Variants in C15orf40 observed in about 807,000 individuals in gnomAD.
C15orf40 encodes the protein UPF0235 protein C15orf40.
A neutral mutation model predicts 13.9 loss-of-function variants in C15orf40; 9 were observed. That is an observed-to-expected ratio of 0.65 (90% CI 0.39 to 1.13). The LOEUF (loss-of-function observed/expected upper bound fraction) is 1.13. Ranked by LOEUF, C15orf40 falls within the 50% of genes most tolerant of loss-of-function variation. The probability of loss-of-function intolerance (pLI) is 0.01; values close to 1 mark genes in which losing one functional copy is unlikely to be tolerated. For synonymous variants in C15orf40, 95 were observed against 69.2 expected, an observed-to-expected ratio of 1.37 and a Z score of -1.85; for missense variants, 225 against 188.5, an observed-to-expected ratio of 1.19 and a Z score of -1.13.
Position 83,000,341 on chromosome 15 carries a change from TAAGG to T in C15orf40, c.*5252_*5255del, listed in dbSNP as rs1347631881. 4 of 152,224 alleles carry T rather than the reference TAAGG, an allele frequency of 2.6e-5. No homozygotes were observed. The highest frequency in any genetic ancestry group is 7.2e-5 in the African/African-American group (3 of 41,422). 9.4% of individuals were successfully genotyped at this position (152,224 alleles called of 1,614,324 possible). A position where few individuals can be genotyped will look rare whatever the true frequency, so the allele number is the denominator to read the frequency against. ...CGTGGATTTCTGAAACCTGCAGAGT[TAAGG>T]AAGGAACTCAAGACCATGCTGACTC... On this transcript the variant is annotated 3_prime_UTR_variant, in exon 4 of 4. Transcript: ENST00000304177.
Position 83,011,585 on chromosome 15 carries a change from A to G in C15orf40, c.23T>C (p.Leu8Pro). 2 of 1,594,328 alleles carry G rather than the reference A, an allele frequency of 1.3e-6. No homozygotes were observed. MLRLRSG[L>P]RHLRATPNTR... ...ATTGGGTGTTGCCCGAAGGTGCCTC[A>G]GCCCGCTGCGGAGCCGCAGCATCCC... The change falls in exon 1 of 4, where the codon CTG becomes CCG. Residue 8 changes from leucine to proline, a missense_variant. Coordinates refer to ENST00000304177, the MANE Select transcript of C15orf40 (RefSeq NM_144597.3).
rs1303059524 is a variant in C15orf40, at chr15:83,001,634, T to C, written c.*3963A>G. 1 of 152,200 alleles carries C rather than the reference T, an allele frequency of 6.6e-6. No individual in the cohort carries two copies. Among genetic ancestry groups the C allele is most frequent in the Non-Finnish European group, 1.5e-5 (1 of 68,024 alleles). 9.4% of individuals were successfully genotyped at this position (152,200 alleles called of 1,614,324 possible). On this transcript the variant is annotated 3_prime_UTR_variant, in exon 4 of 4. Coordinates refer to ENST00000304177, the MANE Select transcript of C15orf40 (RefSeq NM_144597.3). ...GCTGAATATTTTGTGTCTTGGGCAC[T>C]AGGTCACTGGGTCTACTTCAGTATT...
chr15:83,011,174 A>G, intron 1 of C15orf40: 1 of 278,984 alleles, frequency 3.6e-6, no homozygotes, highest in African/African-American at 2.2e-5. Flanking sequence ...AACGCAGGTC[A>G]TGCCGCTGCG....
chr15:83,000,122 C>A lies in C15orf40; in HGVS notation c.*5475G>T, dbSNP rs1279855159. The A allele has an allele frequency of 6.6e-6, 1 of 152,272 alleles. No homozygotes were observed. Among genetic ancestry groups the A allele is most frequent in the Non-Finnish European group, 1.5e-5 (1 of 68,116 alleles). 9.4% of individuals were successfully genotyped at this position (152,272 alleles called of 1,614,324 possible). On this transcript the variant is annotated 3_prime_UTR_variant, in exon 4 of 4. Coordinates refer to ENST00000304177, the MANE Select transcript of C15orf40 (RefSeq NM_144597.3). ...ATTTCCCTGGCTCTGATTCCAGGCT[C>A]TCCAAGCAGCCTTCAAATGATGATT... is the stretch of plus-strand genomic sequence containing the variant.
At chr15:83,011,190 A>G (rs577626636) in intron 1 of C15orf40, 1 of 308,120 alleles carries the variant, frequency 3.2e-6, no homozygotes, top group South Asian at 9.9e-5. Context: ...CTGCGGGAAC[A>G]TGAATTGCTG....
At chr15:82,991,902 T>C (rs1188047484), downstream of C15orf40, 1 of 1,288,966 alleles carries the variant, frequency 7.8e-7, no homozygotes, top group Non-Finnish European at 1.0e-6. Context: ...GAATCTTCTC[T>C]GAAAGCAGAA....
Position 82,996,156 on chromosome 15 carries a change from G to GA in C15orf40, c.*9440dup, listed in dbSNP as rs2031062291. 1 of 152,222 alleles carries GA rather than the reference G, an allele frequency of 6.6e-6. No individual in the cohort carries two copies. Among genetic ancestry groups the GA allele is most frequent in the African/African-American group, 2.4e-5 (1 of 41,446 alleles). The allele number at this position is 152,222 out of a possible 1,614,324, so 9.4% of individuals were successfully genotyped here. On this transcript the variant is annotated 3_prime_UTR_variant, in exon 4 of 4. Coordinates refer to ENST00000304177, the MANE Select transcript of C15orf40 (RefSeq NM_144597.3). ...TCTGGGTTTCAGTGACTCCTCCTGA[G>GA]ACAGCTTCAGGGGATGATGTGATGA... is the stretch of plus-strand genomic sequence containing the variant.
At position 82,997,777 on chromosome 15, in the gene C15orf40, G is replaced by A. The variant is rs1331492315; in HGVS notation, c.*7820C>T. 3 of 137,504 alleles carry A rather than the reference G, an allele frequency of 2.2e-5. No individual in the cohort carries two copies. Among genetic ancestry groups the A allele is most frequent in the Non-Finnish European group, 4.5e-5 (3 of 66,020 alleles). The allele number at this position is 137,504 out of a possible 1,614,324, so 8.5% of individuals were successfully genotyped here. A position where few individuals can be genotyped will look rare whatever the true frequency, so the allele number is the denominator to read the frequency against. ...GGGCTCCTCACTTCCCAGTAGGGGC[G>A]GCCGGGCAGAGGCGCCCCTCACCTC... On this transcript the variant is annotated 3_prime_UTR_variant, in exon 4 of 4. Coordinates refer to ENST00000304177, the MANE Select transcript of C15orf40 (RefSeq NM_144597.3).
At chr15:83,010,582 C>G (rs1486149018) in intron 1 of C15orf40, 2 of 488,800 alleles carry the variant, frequency 4.1e-6, no homozygotes, top group Admixed American at 3.7e-5. Context: ...TTTTTTCCCC[C>G]CTTGCAAGAA....
chr15:82,990,678 T>C, downstream of C15orf40: 3 of 1,522,076 alleles, frequency 2.0e-6, no homozygotes, highest in Non-Finnish European at 2.7e-6. Flanking sequence ...GAAGGAATCA[T>C]TGTCAGTTTG....
chr15:83,006,115 C>A (rs1732374601), intron 3 of C15orf40, among the ~76,000 whole-genome samples: 1 of 151,680 alleles, frequency 6.6e-6, no homozygotes, highest in Non-Finnish European at 1.5e-5. Context: ...CCTGTAATCC[C>A]AGCTACTCAG....
In C15orf40 at chr15:83,004,236, A is replaced by C; in HGVS notation, c.*1361T>G. 4.8e-6 allele frequency: 4 copies of C among 838,748 alleles called. No individual in the cohort carries two copies. Among genetic ancestry groups the C allele is most frequent in the Non-Finnish European group, 5.7e-6 (4 of 696,488 alleles). The allele number at this position is 838,748 out of a possible 1,614,324, so 52.0% of individuals were successfully genotyped here. On this transcript the variant is annotated 3_prime_UTR_variant, in exon 4 of 4. Coordinates refer to ENST00000304177, the MANE Select transcript of C15orf40 (RefSeq NM_144597.3). ...AGTGTTCCTCCTGCCTCAACCTTCC[A>C]AAGCGCTGGGATTACAGGCGTGAGC...
Position 83,004,907 on chromosome 15 carries a change from T to G in C15orf40, c.*690A>C. ...ATCTAGAAAAACTGCATTCAACAAG[T>G]AGTCCAAGGATTTGGGTTCTAGTTG... On this transcript the variant is annotated 3_prime_UTR_variant, in exon 4 of 4. Transcript: ENST00000304177. 1 of 1,304,488 alleles carries G rather than the reference T, an allele frequency of 7.7e-7. No homozygotes were observed. The allele number at this position is 1,304,488 out of a possible 1,614,324, so 80.8% of individuals were successfully genotyped here.
downstream of C15orf40, chr15:82,990,614 T>C (rs1327195254): frequency 1.3e-6 from 2 of 1,490,576 alleles, no homozygotes; most frequent in Non-Finnish European, 1.8e-6. Flanking sequence ...ATGAGTCAGC[T>C]CCACACTTGA....
intron 3 of C15orf40, 147 bp downstream of exon 3, chr15:83,008,398 AATC>A: frequency 1.4e-6 from 1 of 722,550 alleles, no homozygotes; most frequent in Non-Finnish European, 2.3e-6. Flanking sequence ...ATGCGCCTAT[AATC>A]CCAGCTACTC....
chr15:83,005,788 GCTT>G, intron 3 of C15orf40, 96 bp from the exon 4 acceptor site: 1 of 1,431,216 alleles, frequency 7.0e-7, no homozygotes. Flanking sequence ...TCTCCTGATG[GCTT>G]TCTCTTGGTT....
In C15orf40 at chr15:83,003,170, G is replaced by A. The variant is rs2031497989; in HGVS notation, c.*2427C>T. On this transcript the variant is annotated 3_prime_UTR_variant, in exon 4 of 4. Coordinates refer to ENST00000304177, the MANE Select transcript of C15orf40 (RefSeq NM_144597.3). ...GATGGAGTTTCGCTCCTTTTGCCCAGGCTAGAGTGCAATGGCACGATCTCA... is the reference window on the plus strand; with the variant it reads ...GATGGAGTTTCGCTCCTTTTGCCCAAGCTAGAGTGCAATGGCACGATCTCA... The A allele has an allele frequency of 7.4e-6, 1 of 134,390 alleles. No homozygotes were observed. The highest frequency in any genetic ancestry group is 2.9e-5 in the African/African-American group (1 of 34,842). 8.3% of individuals were successfully genotyped at this position (134,390 alleles called of 1,614,324 possible). A position where few individuals can be genotyped will look rare whatever the true frequency, so the allele number is the denominator to read the frequency against.
intron 3 of C15orf40, chr15:83,006,313 T>A: frequency 1.2e-6 from 1 of 846,030 alleles, no homozygotes; most frequent in Non-Finnish European, 1.4e-6. Flanking sequence ...AATACCAAAA[T>A]AAATATTGCA....
rs1200569704 is a variant in C15orf40, at chr15:83,004,863, A to G, written c.*734T>C. 6 of 1,302,912 alleles carry G rather than the reference A, an allele frequency of 4.6e-6. No homozygotes were observed. The highest frequency in any genetic ancestry group is 2.1e-4 in the Middle Eastern group (1 of 4,714). The allele number at this position is 1,302,912 out of a possible 1,614,324, so 80.7% of individuals were successfully genotyped here. A position where few individuals can be genotyped will look rare whatever the true frequency, so the allele number is the denominator to read the frequency against. On this transcript the variant is annotated 3_prime_UTR_variant, in exon 4 of 4. Coordinates refer to ENST00000304177, the MANE Select transcript of C15orf40 (RefSeq NM_144597.3). ...CCAGAATTCCAGAACCGTTGTGGAG[A>G]TATGATTTTTAATTTACAATCTAGA...
Sources: allele counts gnomAD v4.1 joint callset (sites outside exome capture counted in the v4.1 genomes callset), GRCh38; gene constraint gnomAD v4.1.1; transcripts MANE v1.5; gene names NCBI Gene and HGNC (gene_info 2026-07-23, HGNC 2026-07-21).